The following MYCBP2 variants were observed in gnomAD, a reference collection of about 807,000 sequenced individuals.
MYCBP2 encodes the protein MYC binding protein 2.
In MYCBP2, 120 loss-of-function variants were observed where a neutral mutation model predicts 525.3. That is an observed-to-expected ratio of 0.23 (90% confidence interval 0.20 to 0.27). MYCBP2 has a LOEUF of 0.27. Ranked by LOEUF, MYCBP2 falls within the 10% of genes least tolerant of loss-of-function variation. MYCBP2 has a pLI of 1.00. For synonymous variants in MYCBP2, 1,894 were observed against 1,955.8 expected (o/e 0.97, Z 0.83); for missense variants, 4,149 against 5,657.1 (o/e 0.73, Z 8.55).
chr13:77,059,180 A>G (rs2038797543), intron 77 of MYCBP2, among the ~76,000 whole-genome samples: 1 of 152,198 alleles, frequency 6.6e-6, no homozygotes, highest in Non-Finnish European at 1.5e-5. Flanking sequence ...AGGATTAAAG[A>G]ACTCTTAGAT....
intron 18 of MYCBP2, among the ~76,000 whole-genome samples, chr13:77,229,744 A>T (rs545373412): frequency 1.2e-4 from 18 of 152,324 alleles, no homozygotes; most frequent in African/African-American, 3.8e-4. Flanking sequence ...TTGCACAGCC[A>T]TGTAGTTCTA....
chr13:77,137,924 C>A lies in MYCBP2; in HGVS notation c.7659+1272G>T, dbSNP rs61307561. 5.7e-3 allele frequency among the ~76,000 whole-genome samples: 865 copies of A among 152,028 alleles called. 10 individuals are homozygous for A. The highest frequency in any genetic ancestry group is 0.02 in the African/African-American group (826 of 41,460). ...AAAACAAAAACCAACTCCCCCTTGC[C>A]CAACAAAAAAGTCTATATTGGAAAA... On this transcript the variant is annotated intron_variant, in intron 52 of 82. Transcript: ENST00000544440.
chr13:77,140,039 T>C lies in MYCBP2; in HGVS notation c.7518+8A>G. ...AAATTTACTACCAAAAGCTCCTTTA[T>C]CAATTACCTCATCAATAAAAGTGAT... On this transcript the variant is annotated splice_region_variant and intron_variant, in intron 51 of 82. Transcript: ENST00000544440. The C allele has an allele frequency of 6.3e-6, 10 of 1,578,282 alleles. No homozygotes were observed. Among genetic ancestry groups the C allele is most frequent in the Non-Finnish European group, 8.6e-6 (10 of 1,157,876 alleles).
chr13:77,299,010 A>G (rs2078489404), intron 1 of MYCBP2, among the ~76,000 whole-genome samples: 2 of 151,920 alleles, frequency 1.3e-5, no homozygotes, highest in South Asian at 4.1e-4. Flanking sequence ...TCTTCATACT[A>G]TTTAGGAAAC....
chr13:77,260,713 T>C, intron 12 of MYCBP2, 121 bp from the exon 13 acceptor site: 1 of 856,336 alleles, frequency 1.2e-6, no homozygotes, highest in Non-Finnish European at 1.7e-6. Flanking sequence ...ATTTGTTTAT[T>C]TTCACAAAGG....
At chr13:77,202,794 C>G (rs2062794357) in intron 26 of MYCBP2, among the ~76,000 whole-genome samples, 1 of 152,108 alleles carries the variant, frequency 6.6e-6, no homozygotes, top group Non-Finnish European at 1.5e-5. Context: ...AGACAAAAAC[C>G]ACAGGATTAT....
In MYCBP2 at chr13:77,055,944, C is replaced by G. The variant is rs372363588; in HGVS notation, c.13438-177G>C. Among the ~76,000 whole-genome samples, 27 of 152,210 alleles carry G rather than the reference C, an allele frequency of 1.8e-4. 1 individual carries two copies. In the South Asian group the frequency reaches 5.4e-3, roughly 30 times the overall value. On this transcript the variant is annotated intron_variant, in intron 79 of 82. Transcript: ENST00000544440. ...AATTCTTTAGAAGCCCATATTTTTC[C>G]AAGAGCAGGGAAAATGGGGCAAATG...
At chr13:77,183,306 A>C (rs1179786013) in intron 32 of MYCBP2, among the ~76,000 whole-genome samples, 1 of 152,140 alleles carries the variant, frequency 6.6e-6, no homozygotes, top group African/African-American at 2.4e-5. Context: ...TAAAAGGTTG[A>C]CATTATTTCT....
At chr13:77,074,246 G>C (rs2041916106) in intron 68 of MYCBP2, among the ~76,000 whole-genome samples, 1 of 152,026 alleles carries the variant, frequency 6.6e-6, no homozygotes, top group South Asian at 2.1e-4. Context: ...TCTTCTCAAT[G>C]AATCGTAGTA....
At chr13:77,186,582 T>A (rs1423197809) in intron 30 of MYCBP2, among the ~76,000 whole-genome samples, 2 of 152,152 alleles carry the variant, frequency 1.3e-5, no homozygotes, top group African/African-American at 2.4e-5. Context: ...AATACATTAA[T>A]AGAAGATAAA....
Position 77,051,008 on chromosome 13 carries a change from T to C in MYCBP2, c.13910A>G (p.His4637Arg). 1.2e-6 allele frequency: 2 copies of C among 1,612,258 alleles called. No individual in the cohort carries two copies. Among genetic ancestry groups the C allele is most frequent in the Non-Finnish European group, 1.7e-6 (2 of 1,179,224 alleles). The part of the protein sequence containing the change: ...MTSIPKEELP[H>R]CPAGPKGKQL... ...TATTAAAAGCATACCTGCAGGACAG[T>C]GTGGTAGTTCTTCCTTAGGAATGCT... Residue 4637 changes from histidine to arginine, a missense_variant, in exon 82 of 83, where the codon CAC becomes CGC. Around this residue, in one of 21 missense-constraint regions of MYCBP2, gnomAD observed 45 missense variants for 130.1 expected, o/e 0.35. Transcript: ENST00000544440.
At chr13:77,301,401 C>A (rs1216908899) in intron 1 of MYCBP2, among the ~76,000 whole-genome samples, 4 of 117,528 alleles carry the variant, frequency 3.4e-5, no homozygotes, top group African/African-American at 1.4e-4. Flanking sequence ...CCAGCCTGGG[C>A]TACAGAGCAA....
At chr13:77,220,542 T>C (rs532005361) in intron 20 of MYCBP2, among the ~76,000 whole-genome samples, 2 of 152,312 alleles carry the variant, frequency 1.3e-5, no homozygotes, top group Non-Finnish European at 2.9e-5. Context: ...AATATTGATC[T>C]TAAACAACAC....
chr13:77,159,888 T>G (rs536253335), intron 44 of MYCBP2, among the ~76,000 whole-genome samples: 1 of 152,192 alleles, frequency 6.6e-6, no homozygotes, highest in African/African-American at 2.4e-5. Context: ...TGACACATAT[T>G]GTTTATTATA....
At chr13:77,214,437 T>C (rs1042073352) in intron 21 of MYCBP2, among the ~76,000 whole-genome samples, 3 of 149,498 alleles carry the variant, frequency 2.0e-5, no homozygotes, top group Admixed American at 2.0e-4. Context: ...CACAATGGGG[T>C]ATTACATGGA....
At chr13:77,139,751 C>T (rs528045176) in intron 51 of MYCBP2, among the ~76,000 whole-genome samples, 2 of 152,114 alleles carry the variant, frequency 1.3e-5, no homozygotes, top group South Asian at 2.1e-4. Flanking sequence ...AAACAAACAA[C>T]ATTTTAAAAT....
intron 70 of MYCBP2, 143 bp from the exon 71 acceptor site, chr13:77,068,007 A>G (rs965440756): frequency 1.3e-6 from 1 of 746,002 alleles, no homozygotes; most frequent in African/African-American, 1.8e-5. Flanking sequence ...AGCTCACTGC[A>G]GCCTTGAACT....
In MYCBP2 at chr13:77,093,323, A is replaced by G. The variant is rs2045730486; in HGVS notation, c.10209T>C (p.His3403=). The part of the protein sequence containing the change: ...LYLQTLARHH[H]ENFVGYQDDN... ...CATCTTGATAGCCCACAAAATTTTC[A>G]TGATGATGCCTGCATTAAATCAAAC... Residue 3403 remains histidine, a synonymous_variant, in exon 59 of 83, where the codon CAT becomes CAC. Transcript: ENST00000544440. 6.2e-7 allele frequency: 1 copy of G among 1,612,890 alleles called. No homozygotes were observed. The highest frequency in any genetic ancestry group is 1.1e-5 in the South Asian group (1 of 90,998).
intron 68 of MYCBP2, among the ~76,000 whole-genome samples, chr13:77,071,309 A>AC (rs755286964): frequency 0.022 from 3,255 of 149,214 alleles, 122 homozygotes; most frequent in African/African-American, 0.076. Context: ...ACACACACAC[A>AC]AATCTTATCT....
Sources: gnomAD v4.1 joint callset for allele counts (sites outside exome capture counted in the v4.1 genomes callset) on GRCh38, gnomAD v4.1.1 for gene constraint, gnomAD v4.1.1 regional missense constraint, MANE v1.5 for transcripts, NCBI Gene and HGNC (gene_info 2026-07-23, HGNC 2026-07-21) for gene names.